Variants in PRKCE observed in about 807,000 individuals in gnomAD.
PRKCE encodes protein kinase C epsilon.
PRKCE carries 16 observed loss-of-function variants against 85.4 expected under a neutral mutation model. The ratio of observed to expected loss-of-function variants is 0.19; its 90% CI spans 0.13 to 0.28. The LOEUF (loss-of-function observed/expected upper bound fraction) is 0.28. Among genes scored for constraint, PRKCE ranks in the 10% least tolerant of loss-of-function variants. The probability of loss-of-function intolerance (pLI) is 1.00; values close to 1 mark genes in which losing one functional copy is unlikely to be tolerated. For missense variants in PRKCE, 573 were observed against 975.2 expected (o/e 0.59, Z 5.49); for synonymous variants, 388 against 371.5 (o/e 1.04, Z -0.51).
At chr2:45,922,813 C>T (rs1206338088) in intron 2 of PRKCE, among the ~76,000 whole-genome samples, 1 of 152,202 alleles carries the variant, frequency 6.6e-6, no homozygotes, top group African/African-American at 2.4e-5. Context: ...TCTTCCAGTG[C>T]TGGGATGTGC....
At chr2:45,980,223 CCCTGAATAGAT>C (rs1363499624) in intron 4 of PRKCE, 62 bp from the exon 5 acceptor site, 2 of 1,454,752 alleles carry the variant, frequency 1.4e-6, no homozygotes, top group Non-Finnish European at 1.9e-6. Context: ...CTCCACCAAG[CCCTGAATAGAT>C]CCTGGGAGGG....
chr2:46,023,163 T>C lies in PRKCE; in HGVS notation c.1437+12646T>C, dbSNP rs188656604. Among the ~76,000 whole-genome samples the C allele has an allele frequency of 2.0e-4, 31 of 151,904 alleles. No homozygotes were observed. In the East Asian group the frequency reaches 5.8e-3, roughly 28 times the overall value. Reference sequence around the variant, plus strand: ...ACTTGAGAGCTTTGTCATGTTTCTCTTTGCCTAGAATGATGGCCTGTTCTG... The same window carrying C: ...ACTTGAGAGCTTTGTCATGTTTCTCCTTGCCTAGAATGATGGCCTGTTCTG... On this transcript the variant is annotated intron_variant, in intron 10 of 14. Coordinates refer to ENST00000306156, the MANE Select transcript of PRKCE (RefSeq NM_005400.3).
intron 11 of PRKCE, among the ~76,000 whole-genome samples, chr2:46,109,516 A>G (rs1034394042): frequency 6.6e-6 from 1 of 152,166 alleles, no homozygotes; most frequent in African/African-American, 2.4e-5. Context: ...TTTATTGCAA[A>G]TACATAGGAC....
chr2:45,684,649 G>A (rs1246275000), intron 1 of PRKCE, among the ~76,000 whole-genome samples: 1 of 152,216 alleles, frequency 6.6e-6, no homozygotes, highest in Non-Finnish European at 1.5e-5. Context: ...GCTCTTTCTG[G>A]TTTCCTGCAT....
intron 2 of PRKCE, among the ~76,000 whole-genome samples, chr2:45,850,359 C>G (rs1273531592): frequency 6.6e-6 from 1 of 152,174 alleles, no homozygotes; most frequent in Non-Finnish European, 1.5e-5. Flanking sequence ...CCCACATGAC[C>G]TCTAGTTCTA....
intron 1 of PRKCE, chr2:45,674,745 T>C (rs1356409177): frequency 6.6e-6 from 1 of 152,238 alleles, no homozygotes; most frequent in Non-Finnish European, 1.5e-5. Flanking sequence ...AAAGAGAAGA[T>C]GCTTCCTGAA....
At chr2:45,655,380 A>G (rs1365010454) in intron 1 of PRKCE, among the ~76,000 whole-genome samples, 2 of 150,776 alleles carry the variant, frequency 1.3e-5, no homozygotes, top group Non-Finnish European at 1.5e-5. Context: ...CTTATCAGCT[A>G]TCATTGGTGT....
intron 1 of PRKCE, among the ~76,000 whole-genome samples, chr2:45,748,746 C>A (rs1245522125): frequency 6.6e-6 from 1 of 152,186 alleles, no homozygotes; most frequent in Admixed American, 6.5e-5. Context: ...AGGGATGATG[C>A]TCCTGCCCTG....
At chr2:45,883,981 C>G (rs1477490126) in intron 2 of PRKCE, among the ~76,000 whole-genome samples, 1 of 152,140 alleles carries the variant, frequency 6.6e-6, no homozygotes, top group East Asian at 1.9e-4. Context: ...TTGAGACTGC[C>G]CAAGGCCTTC....
chr2:46,023,866 G>T (rs1706885527), intron 10 of PRKCE, among the ~76,000 whole-genome samples: 2 of 143,536 alleles, frequency 1.4e-5, no homozygotes, highest in Non-Finnish European at 3.0e-5. Flanking sequence ...GTCATCTTTG[G>T]CTCAATAACA....
chr2:45,987,877 G>A (rs1703465860), intron 6 of PRKCE, among the ~76,000 whole-genome samples: 1 of 152,332 alleles, frequency 6.6e-6, no homozygotes, highest in South Asian at 2.1e-4. Flanking sequence ...CTGTGGAGAG[G>A]GGTCATGGCC....
rs1000735628 is a variant in PRKCE, at chr2:46,001,797, T to C, written c.966+251T>C. Among the ~76,000 whole-genome samples, 1 of 152,130 alleles carries C rather than the reference T, an allele frequency of 6.6e-6. No individual in the cohort carries two copies. The highest frequency in any genetic ancestry group is 1.9e-4 in the East Asian group (1 of 5,198). ...TACGTTTGCCAAAGAAACATAAACT[T>C]TGAGATGAGGAATTTGAAATTCCTT... On this transcript the variant is annotated intron_variant, in intron 7 of 14. Transcript: ENST00000306156. The surrounding 1 kb of genome is among the most constrained non-coding windows in gnomAD (Gnocchi z 4.4).
At chr2:46,086,649 C>T (rs921370365) in intron 11 of PRKCE, among the ~76,000 whole-genome samples, 1 of 152,132 alleles carries the variant, frequency 6.6e-6, no homozygotes, top group African/African-American at 2.4e-5. Context: ...GTGTGACCTT[C>T]GTTTTTCTCT....
At chr2:45,929,486 G>C (rs1287314964) in intron 2 of PRKCE, among the ~76,000 whole-genome samples, 2 of 152,156 alleles carry the variant, frequency 1.3e-5, no homozygotes, top group African/African-American at 4.8e-5. Context: ...AAGGGAGCAT[G>C]AAAGAAAAGA....
chr2:46,064,191 A>T (rs1245047738), intron 10 of PRKCE, among the ~76,000 whole-genome samples: 1 of 149,980 alleles, frequency 6.7e-6, no homozygotes, highest in Non-Finnish European at 1.5e-5. Context: ...CTGAGGCAGG[A>T]GAATCGCTTG....
chr2:46,035,211 T>C (rs1707784666), intron 10 of PRKCE, among the ~76,000 whole-genome samples: 1 of 152,218 alleles, frequency 6.6e-6, no homozygotes, highest in South Asian at 2.1e-4. Flanking sequence ...GGCCTGCCCA[T>C]AGCTCATGAC....
chr2:45,834,602 G>T (rs1040195311), intron 1 of PRKCE, among the ~76,000 whole-genome samples: 6 of 152,136 alleles, frequency 3.9e-5, no homozygotes, highest in African/African-American at 7.2e-5. Context: ...ATGTGTGTGT[G>T]TGTGTGTGTG....
intron 1 of PRKCE, among the ~76,000 whole-genome samples, chr2:45,821,095 G>T (rs1455606156): frequency 6.6e-6 from 1 of 152,126 alleles, no homozygotes; most frequent in African/African-American, 2.4e-5. Flanking sequence ...GACTTCCAAG[G>T]CTAGTCTGGG....
chr2:45,999,163 T>G (rs187345170), intron 6 of PRKCE, among the ~76,000 whole-genome samples: 3 of 152,336 alleles, frequency 2.0e-5, no homozygotes, highest in East Asian at 3.9e-4. Flanking sequence ...ACTTATTTCT[T>G]CACCTTTCTT....
Sources: allele counts gnomAD v4.1 joint callset (sites outside exome capture counted in the v4.1 genomes callset), GRCh38; gene constraint gnomAD v4.1.1; non-coding constraint Gnocchi (gnomAD v3.1); transcripts MANE v1.5; gene names NCBI Gene and HGNC (gene_info 2026-07-23, HGNC 2026-07-21).